PRTG: variants seen among roughly 807,000 people sequenced by gnomAD.
PRTG encodes the protein immunoglobulin superfamily, DCC subclass, member 5.
A neutral mutation model predicts 122.5 loss-of-function variants in PRTG; 67 were observed. That is an observed-to-expected ratio of 0.55 (90% CI 0.45 to 0.67). The LOEUF (loss-of-function observed/expected upper bound fraction) is 0.67, where lower values mean the gene tolerates loss of function less well. PRTG is among the 30% of genes least tolerant of loss of function. The probability of loss-of-function intolerance (pLI) is 0.00; values close to 1 mark genes in which losing one functional copy is unlikely to be tolerated. For missense variants in PRTG, 1,435 were observed against 1,415.4 expected, an observed-to-expected ratio of 1.01 and a Z score of -0.22; for synonymous variants, 554 against 501.1, an observed-to-expected ratio of 1.11 and a Z score of -1.41.
At chr15:55,622,565 A>T (rs7181799) in intron 18 of PRTG, among the ~76,000 whole-genome samples, 1,018 of 3,858 alleles carry the variant, frequency 0.26, 16 homozygotes, top group African/African-American at 0.38. Flanking sequence ...TTTTTTTTTT[A>T]AATTTTTAGT....
intron 11 of PRTG, 122 bp downstream of exon 11, chr15:55,672,323 A>G (rs1444534674): frequency 2.5e-6 from 2 of 789,544 alleles, no homozygotes; most frequent in Non-Finnish European, 4.1e-6. Context: ...ACACTGACAT[A>G]GTAAAATCAA....
At chr15:55,639,117 A>G (rs1449424600) in intron 13 of PRTG, among the ~76,000 whole-genome samples, 1 of 152,146 alleles carries the variant, frequency 6.6e-6, no homozygotes, top group Non-Finnish European at 1.5e-5. Flanking sequence ...GACTACAGGC[A>G]TGCACCACTA....
chr15:55,652,354 G>C (rs1220678214), intron 11 of PRTG, among the ~76,000 whole-genome samples: 1 of 152,118 alleles, frequency 6.6e-6, no homozygotes, highest in Admixed American at 6.5e-5. Context: ...TAAGAAAGGT[G>C]AAAGTCTGAA....
intron 2 of PRTG, among the ~76,000 whole-genome samples, chr15:55,723,822 G>T (rs570332691): frequency 7.0e-6 from 1 of 141,980 alleles, no homozygotes; most frequent in Non-Finnish European, 1.5e-5. Flanking sequence ...TGCAATCTCA[G>T]CTCACTGCAA....
chr15:55,740,924 T>C (rs371531807), intron 1 of PRTG, among the ~76,000 whole-genome samples: 1 of 152,282 alleles, frequency 6.6e-6, no homozygotes, highest in Non-Finnish European at 1.5e-5. Context: ...ATAACTTCTA[T>C]GCTTTGTATA....
intron 11 of PRTG, among the ~76,000 whole-genome samples, chr15:55,670,254 T>TC (rs397696548): frequency 2.0e-5 from 3 of 151,908 alleles, no homozygotes; most frequent in East Asian, 3.9e-4. Flanking sequence ...CAAGTTTTTT[T>TC]CTAATAAATT....
intron 2 of PRTG, among the ~76,000 whole-genome samples, chr15:55,689,950 A>C (rs189365719): frequency 6.6e-6 from 1 of 152,086 alleles, no homozygotes; most frequent in South Asian, 2.1e-4. Context: ...AAGAGTAGTT[A>C]GGCATCAATT....
chr15:55,742,609 G>A (rs1209107116), intron 1 of PRTG: 6 of 514,992 alleles, frequency 1.2e-5, no homozygotes, highest in South Asian at 1.1e-4. Context: ...CGTGCGCCCG[G>A]AGAAGCTCCC....
chr15:55,633,414 A>G (rs1289523091), intron 15 of PRTG, among the ~76,000 whole-genome samples: 1 of 152,182 alleles, frequency 6.6e-6, no homozygotes, highest in Non-Finnish European at 1.5e-5. Flanking sequence ...GTATAATTTC[A>G]TATGATGTTT....
intron 2 of PRTG, among the ~76,000 whole-genome samples, chr15:55,734,254 C>A (rs1343835939): frequency 1.3e-5 from 2 of 152,112 alleles, no homozygotes; most frequent in African/African-American, 4.8e-5. Flanking sequence ...GGAAGATAAG[C>A]CACTGAGTCA....
At chr15:55,634,678 C>A (rs988786515) in intron 15 of PRTG, among the ~76,000 whole-genome samples, 3 of 151,680 alleles carry the variant, frequency 2.0e-5, no homozygotes, top group South Asian at 2.1e-4. Flanking sequence ...CCCGTCTCTA[C>A]TAAAATACAA....
chr15:55,650,771 C>G (rs529768648), intron 11 of PRTG, among the ~76,000 whole-genome samples: 2 of 152,056 alleles, frequency 1.3e-5, no homozygotes, highest in Non-Finnish European at 2.9e-5. Context: ...TCAAGACCAA[C>G]CCGGGCAACA....
intron 14 of PRTG, among the ~76,000 whole-genome samples, chr15:55,638,123 A>G (rs891504969): frequency 2.0e-5 from 3 of 152,256 alleles, no homozygotes; most frequent in Non-Finnish European, 2.9e-5. Flanking sequence ...CAGATAAGCT[A>G]CAGAATTGGT....
Position 55,682,480 on chromosome 15 carries a change from G to C in PRTG, c.560C>G (p.Thr187Arg). 1 of 1,561,134 alleles carries C rather than the reference G, an allele frequency of 6.4e-7. No homozygotes were observed. The highest frequency in any genetic ancestry group is 8.7e-7 in the Non-Finnish European group (1 of 1,149,612). ...GACATCATAGATCTGCAATACTCCT[G>C]TTGGTAGGGCAGTTATCCTGTTATG... ...MTMDRITALP[T>R]GVLQIYDVSQ... Residue 187 changes from threonine (T) to arginine (R), a missense_variant, in exon 4 of 20, where the codon ACA (threonine) becomes AGA (arginine). Physicochemically the swap from Thr to Arg is moderately conservative, Grantham distance 71. Coordinates refer to ENST00000389286, the MANE Select transcript of PRTG (RefSeq NM_173814.6).
At position 55,677,215 on chromosome 15, in the gene PRTG, G is replaced by T. The variant is rs376473583; in HGVS notation, c.1381+582C>A. Among the ~76,000 whole-genome samples the T allele has an allele frequency of 5.7e-4, 86 of 152,128 alleles. No individual in the cohort carries two copies. In the South Asian group the frequency reaches 8.7e-3, roughly 15 times the overall value. ...GAACCAATAATTCTGAACAAAAATT[G>T]GAAGACACATTTGATTTCTACTTTT... On this transcript the variant is annotated intron_variant, in intron 8 of 19. Transcript: ENST00000389286.
intron 18 of PRTG, among the ~76,000 whole-genome samples, chr15:55,622,106 T>A (rs2059169296): frequency 6.6e-6 from 1 of 152,100 alleles, no homozygotes; most frequent in Admixed American, 6.6e-5. Context: ...CCTTTCACTT[T>A]AGTTTCTTTT....
intron 16 of PRTG, among the ~76,000 whole-genome samples, 198 bp from the exon 17 acceptor site, chr15:55,627,326 G>GTTTTTTTT (rs35771809): frequency 7.6e-6 from 1 of 131,488 alleles, no homozygotes; most frequent in Non-Finnish European, 1.6e-5. Flanking sequence ...CAATATTAAA[G>GTTTTTTTT]TTTTTTTTTT....
chr15:55,655,793 A>C (rs752130132), intron 11 of PRTG: 1 of 152,212 alleles, frequency 6.6e-6, no homozygotes, highest in African/African-American at 2.4e-5. Context: ...GAATTTTTTT[A>C]TAAGCAATTA....
chr15:55,688,494 G>A (rs891341057), intron 2 of PRTG, among the ~76,000 whole-genome samples: 2 of 152,088 alleles, frequency 1.3e-5, no homozygotes, highest in Admixed American at 1.3e-4. Context: ...TCAGACCTTC[G>A]TACTCATCGC....
Sources: gnomAD v4.1 joint callset for allele counts (sites outside exome capture counted in the v4.1 genomes callset) on GRCh38, gnomAD v4.1.1 for gene constraint, MANE v1.5 for transcripts, NCBI Gene and HGNC (gene_info 2026-07-23, HGNC 2026-07-21) for gene names.